THOC1: variants seen among roughly 807,000 people sequenced by gnomAD.
THOC1 encodes the protein THO complex subunit 1.
In THOC1, 29 loss-of-function variants were observed where a neutral mutation model predicts 97.3. The ratio of observed to expected loss-of-function variants is 0.30; its 90% CI spans 0.22 to 0.41. The LOEUF (loss-of-function observed/expected upper bound fraction) is 0.41, where lower values mean the gene tolerates loss of function less well. Among genes scored for constraint, THOC1 ranks in the 10% least tolerant of loss-of-function variants. The pLI is 1.00. For synonymous variants in THOC1, 255 were observed against 257.0 expected (o/e 0.99, Z 0.07); for missense variants, 529 against 761.9 (o/e 0.69, Z 3.60).
At chr18:215,546 C>A in intron 19 of THOC1, 42 bp from the exon 20 acceptor site, 1 of 1,513,776 alleles carries the variant, frequency 6.6e-7, no homozygotes, top group South Asian at 1.1e-5. Flanking sequence ...ATGCCAGCCT[C>A]TGAAGTAAGG....
At chr18:237,013 A>G (rs1350482166) in intron 11 of THOC1, among the ~76,000 whole-genome samples, 1 of 152,000 alleles carries the variant, frequency 6.6e-6, no homozygotes, top group South Asian at 2.1e-4. Flanking sequence ...TTTCTGTAGC[A>G]TGACTGCAGG....
chr18:225,238 G>C, intron 13 of THOC1, 99 bp from the exon 14 acceptor site: 1 of 1,534,752 alleles, frequency 6.5e-7, no homozygotes, highest in South Asian at 1.2e-5. Context: ...TCTTGTACCT[G>C]AGCTTAACTT....
At chr18:227,508 T>A (rs1298318447) in intron 11 of THOC1, among the ~76,000 whole-genome samples, 1 of 152,030 alleles carries the variant, frequency 6.6e-6, no homozygotes, top group Non-Finnish European at 1.5e-5. Flanking sequence ...TCATCTCTGA[T>A]TAGATGGGCT....
intron 18 of THOC1, 151 bp downstream of exon 18, chr18:218,735 A>G: frequency 3.2e-6 from 2 of 623,308 alleles, no homozygotes; most frequent in Non-Finnish European, 5.6e-6. Flanking sequence ...CAGGATGTGT[A>G]CTAACAAGAA....
intron 17 of THOC1, 60 bp from the exon 18 acceptor site, chr18:219,029 G>T: frequency 2.0e-6 from 1 of 499,782 alleles, no homozygotes; most frequent in East Asian, 5.9e-5. Context: ...AAATACTCAT[G>T]AAGTGGTGGC....
chr18:220,921 T>G (rs180944215), intron 17 of THOC1, among the ~76,000 whole-genome samples: 1 of 152,194 alleles, frequency 6.6e-6, no homozygotes. Context: ...TGACTCTCAG[T>G]GTCAGACTCT....
chr18:252,954 G>A (rs1186087168), intron 8 of THOC1, among the ~76,000 whole-genome samples: 3 of 152,142 alleles, frequency 2.0e-5, no homozygotes, highest in Non-Finnish European at 2.9e-5. Context: ...TGAGCAAACA[G>A]CATGAATAGC....
At chr18:246,293 A>T in intron 11 of THOC1, 31 bp downstream of exon 11, 1 of 1,441,350 alleles carries the variant, frequency 6.9e-7, no homozygotes, top group Non-Finnish European at 9.5e-7. Context: ...ACCATTTCTT[A>T]TTATGCTTAA....
chr18:220,527 A>G lies in THOC1; in HGVS notation c.1371-1558T>C, dbSNP rs368905354. 5.3e-5 allele frequency among the ~76,000 whole-genome samples: 8 copies of G among 152,314 alleles called. No individual in the cohort carries two copies. The South Asian group carries it at 1.5e-3, about 28-fold the overall frequency. On this transcript the variant is annotated intron_variant, in intron 17 of 20. Coordinates refer to ENST00000261600, the MANE Select transcript of THOC1 (RefSeq NM_005131.3). ...GTGACTGTGCCATCAGACTCCTACCAGCAGCACTGGCAAATTATTTTTATC... is the reference window on the plus strand; with the variant it reads ...GTGACTGTGCCATCAGACTCCTACCGGCAGCACTGGCAAATTATTTTTATC...
chr18:261,278 A>AT (rs1283430037), intron 4 of THOC1: 1 of 152,222 alleles, frequency 6.6e-6, no homozygotes, highest in Non-Finnish European at 1.5e-5. Flanking sequence ...ACTAACACTC[A>AT]TAAGTGTTTA....
In THOC1 at chr18:254,331, T is replaced by C. The variant is rs1435167473; in HGVS notation, c.545A>G (p.Asn182Ser). Reference protein sequence around the residue: ...KSGLNLQSQFNLENVTVFNTN... With the variant: ...KSGLNLQSQFSLENVTVFNTN... ...ATTGAAAACAGTGACATTTTCCAGA[T>C]TAAACTGACTCTGCAAGTTAAGACC... Residue 182 changes from asparagine (N) to serine (S), a missense_variant, in exon 8 of 21, where the codon AAT (asparagine) becomes AGT (serine). Asn to Ser is a conservative substitution (Grantham distance 46, BLOSUM62 1). This residue lies in a region of THOC1 where 92 missense variants were observed against 127.0 expected (regional missense o/e 0.72). Coordinates refer to ENST00000261600, the MANE Select transcript of THOC1 (RefSeq NM_005131.3). This position sits in a 1 kb window ranked among gnomAD's most constrained non-coding sequence, Gnocchi z 4.1. 6.3e-7 allele frequency: 1 copy of C among 1,576,274 alleles called. No individual in the cohort carries two copies. Among genetic ancestry groups the C allele is most frequent in the Non-Finnish European group, 8.6e-7 (1 of 1,159,990 alleles).
intron 7 of THOC1, 106 bp downstream of exon 7, chr18:259,072 CTT>C (rs1912523492): frequency 1.3e-6 from 1 of 789,682 alleles, no homozygotes; most frequent in East Asian, 2.7e-5. Context: ...TCTATGATGT[CTT>C]TCAACTTTTT....
intron 10 of THOC1, among the ~76,000 whole-genome samples, chr18:246,741 C>T (rs888468111): frequency 2.0e-5 from 3 of 151,732 alleles, no homozygotes; most frequent in South Asian, 2.1e-4. Flanking sequence ...CTTCGGGAGG[C>T]GGAGGGGGGC....
intron 9 of THOC1, among the ~76,000 whole-genome samples, chr18:251,839 T>C (rs559373785): frequency 1.3e-5 from 2 of 152,364 alleles, no homozygotes; most frequent in African/African-American, 4.8e-5. Context: ...CAACCTTAAA[T>C]TGGAATAACT....
intron 17 of THOC1, among the ~76,000 whole-genome samples, chr18:221,048 A>G (rs1351965149): frequency 1.3e-5 from 2 of 152,124 alleles, no homozygotes; most frequent in Non-Finnish European, 2.9e-5. Context: ...TAGTGTTTTC[A>G]TTATTATTTA....
chr18:224,242 G>A (rs962921880), intron 15 of THOC1, 63 bp from the exon 16 acceptor site: 1 of 1,236,116 alleles, frequency 8.1e-7, no homozygotes. Flanking sequence ...ATAGAAGAAT[G>A]TTTAACGTAA....
chr18:225,118 C>CG lies in THOC1; in HGVS notation c.1107dup (p.Asp370ArgfsTer16), dbSNP rs778021280. The CG allele has an allele frequency of 5.7e-6, 9 of 1,576,712 alleles. No individual in the cohort carries two copies. The highest frequency in any genetic ancestry group is 5.5e-5 in the Admixed American group (3 of 54,868). ...ACCATCTTTGAAAATCTTTCTCCAT[C>CG]GGGGGGGTTTTCAGATAGTAGCTGT... On this transcript the variant is annotated frameshift_variant, in exon 14 of 21. Coordinates refer to ENST00000261600, the MANE Select transcript of THOC1 (RefSeq NM_005131.3). LOFTEE classifies it high-confidence loss of function.
intron 7 of THOC1, among the ~76,000 whole-genome samples, chr18:256,827 C>A (rs964844596): frequency 2.0e-5 from 3 of 152,046 alleles, no homozygotes; most frequent in Admixed American, 6.6e-5. Context: ...AGAAATCTTT[C>A]GTGAAAGGAA....
At chr18:225,553 A>G (rs915512115) in intron 12 of THOC1, 150 bp from the exon 13 acceptor site, 5 of 645,676 alleles carry the variant, frequency 7.7e-6, no homozygotes, top group African/African-American at 5.5e-5. Context: ...TGAGAGGATT[A>G]TAAGAGAAAA....
Sources: gnomAD v4.1 joint callset for allele counts (sites outside exome capture counted in the v4.1 genomes callset) on GRCh38, gnomAD v4.1.1 for gene constraint, gnomAD v4.1.1 regional missense constraint, Gnocchi (gnomAD v3.1) non-coding constraint, MANE v1.5 for transcripts, NCBI Gene and HGNC (gene_info 2026-07-23, HGNC 2026-07-21) for gene names.